Variants in DTNA observed in about 807,000 individuals in gnomAD.
DTNA encodes the protein dystrobrevin alpha.
A neutral mutation model predicts 100.7 loss-of-function variants in DTNA; 43 were observed. The ratio of observed to expected loss-of-function variants is 0.43; its 90% CI spans 0.33 to 0.55. The LOEUF is 0.55. DTNA is among the 20% of genes least tolerant of loss of function. DTNA has a pLI of 0.04. For missense variants in DTNA, 798 were observed against 953.9 expected, an observed-to-expected ratio of 0.84 and a Z score of 2.15; for synonymous variants, 349 against 347.9, an observed-to-expected ratio of 1.00 and a Z score of -0.04.
chr18:34,873,377 C>T (rs1568868256), intron 17 of DTNA, among the ~76,000 whole-genome samples: 1 of 152,204 alleles, frequency 6.6e-6, no homozygotes, highest in African/African-American at 2.4e-5. Context: ...AGGACAGAGA[C>T]AAGAGGCTCA....
intron 1 of DTNA, among the ~76,000 whole-genome samples, chr18:34,654,378 A>G (rs1466103733): frequency 9.2e-5 from 14 of 152,198 alleles, no homozygotes; most frequent in Admixed American, 9.2e-4. Context: ...TACATTCATT[A>G]TCTAAATCAA....
intron 1 of DTNA, among the ~76,000 whole-genome samples, chr18:34,650,886 C>G (rs1438020200): frequency 6.6e-6 from 1 of 151,842 alleles, no homozygotes; most frequent in East Asian, 1.9e-4. Context: ...TATTATAGTT[C>G]TACTACCCTG....
intron 5 of DTNA, among the ~76,000 whole-genome samples, chr18:34,810,345 T>C (rs910298197): frequency 1.3e-5 from 2 of 152,030 alleles, no homozygotes; most frequent in African/African-American, 4.8e-5. Flanking sequence ...CTCAGTACAA[T>C]TCAGCCATAA....
intron 1 of DTNA, among the ~76,000 whole-genome samples, chr18:34,632,960 CAGCTAACAAAACT>C (rs1453756409): frequency 2.0e-5 from 3 of 151,904 alleles, no homozygotes; most frequent in Non-Finnish European, 4.4e-5. Flanking sequence ...CCCTATTTTA[CAGCTAACAAAACT>C]GAGACATAGA....
At chr18:34,802,471 C>A (rs2095248642) in intron 4 of DTNA, among the ~76,000 whole-genome samples, 1 of 152,220 alleles carries the variant, frequency 6.6e-6, no homozygotes, top group Non-Finnish European at 1.5e-5. Flanking sequence ...CAACTAATGA[C>A]AATTCCTGAT....
At chr18:34,874,900 C>T (rs998411037) in intron 17 of DTNA, among the ~76,000 whole-genome samples, 1 of 152,170 alleles carries the variant, frequency 6.6e-6, no homozygotes, top group African/African-American at 2.4e-5. Flanking sequence ...CTTCTTAGTC[C>T]TCGGAGACCT....
At chr18:34,643,880 A>T (rs1443668803) in intron 1 of DTNA, among the ~76,000 whole-genome samples, 1 of 152,160 alleles carries the variant, frequency 6.6e-6, no homozygotes, top group Non-Finnish European at 1.5e-5. Flanking sequence ...ATCATCTTTT[A>T]TACCTATAAA....
chr18:34,649,784 C>A (rs1439346263), intron 1 of DTNA, among the ~76,000 whole-genome samples: 1 of 152,004 alleles, frequency 6.6e-6, no homozygotes, highest in Non-Finnish European at 1.5e-5. Context: ...TTTCAAAGAT[C>A]TTTTAAAATT....
intron 1 of DTNA, among the ~76,000 whole-genome samples, chr18:34,748,382 A>G (rs746493330): frequency 1.1e-4 from 17 of 152,082 alleles, no homozygotes; most frequent in Admixed American, 1.1e-3. Flanking sequence ...TTATTTGCCT[A>G]GGTTAAAGTC....
At chr18:34,683,949 A>G (rs1202451179) in intron 1 of DTNA, among the ~76,000 whole-genome samples, 4 of 152,162 alleles carry the variant, frequency 2.6e-5, no homozygotes, top group Non-Finnish European at 4.4e-5. Flanking sequence ...CAATGGTACA[A>G]ACATTCAGCA....
At chr18:34,640,112 A>G in intron 1 of DTNA, among the ~76,000 whole-genome samples, 1 of 152,232 alleles carries the variant, frequency 6.6e-6, no homozygotes, top group East Asian at 1.9e-4. Flanking sequence ...GCCAGAAATG[A>G]CTGTTAATCT....
At chr18:34,546,275 G>C (rs924168768) in intron 1 of DTNA, among the ~76,000 whole-genome samples, 7 of 151,956 alleles carry the variant, frequency 4.6e-5, no homozygotes, top group Admixed American at 1.3e-4. Flanking sequence ...CTAACCAAAG[G>C]CATACATGTC....
chr18:34,772,219 C>T (rs2093811584), intron 3 of DTNA, among the ~76,000 whole-genome samples: 1 of 152,054 alleles, frequency 6.6e-6, no homozygotes, highest in African/African-American at 2.4e-5. Context: ...GTTTAAAAGG[C>T]AAAGAGGAGA....
At position 34,672,306 on chromosome 18, in the gene DTNA, A is replaced by C. The variant is rs182707826; in HGVS notation, c.-1-83670A>C. ...AAGAAAACCTGAGATACTTAGGTTT[A>C]GTGATTATTTGTGTAGGTAAATACA... is the stretch of plus-strand genomic sequence containing the variant. On this transcript the variant is annotated intron_variant, in intron 1 of 19. Coordinates refer to the DTNA transcript ENST00000283365. Among the ~76,000 whole-genome samples, 12 of 152,294 alleles carry C rather than the reference A, an allele frequency of 7.9e-5. No individual in the cohort carries two copies. In the East Asian group the frequency reaches 1.9e-3, roughly 25 times the overall value.
At chr18:34,707,295 A>G (rs1380027894), upstream of DTNA, among the ~76,000 whole-genome samples, 1 of 152,104 alleles carries the variant, frequency 6.6e-6, no homozygotes, top group African/African-American at 2.4e-5. Flanking sequence ...ATCATTACCT[A>G]TGTCTCAAAA....
chr18:34,557,785 G>C (rs1055354149), intron 1 of DTNA, among the ~76,000 whole-genome samples: 5 of 151,920 alleles, frequency 3.3e-5, no homozygotes, highest in African/African-American at 7.2e-5. Context: ...TGTCAGACAG[G>C]GACATTTAAG....
intron 13 of DTNA, among the ~76,000 whole-genome samples, chr18:34,841,210 A>G (rs2096261962): frequency 6.6e-6 from 1 of 152,142 alleles, no homozygotes; most frequent in Non-Finnish European, 1.5e-5. Context: ...GATTTTAACC[A>G]TTATCCATCC....
chr18:34,595,627 T>A (rs1442119846), intron 1 of DTNA, among the ~76,000 whole-genome samples: 18 of 152,234 alleles, frequency 1.2e-4, no homozygotes, highest in Admixed American at 1.2e-3. Flanking sequence ...TGGATTTGTT[T>A]CTATTATTAC....
intron 1 of DTNA, among the ~76,000 whole-genome samples, chr18:34,649,149 C>CCT (rs1387215777): frequency 1.3e-5 from 2 of 152,146 alleles, no homozygotes; most frequent in Admixed American, 1.3e-4. Flanking sequence ...ATTCTGCTCT[C>CCT]CTCTCTCTCC....
Sources: allele counts gnomAD v4.1 joint callset (sites outside exome capture counted in the v4.1 genomes callset), GRCh38; gene constraint gnomAD v4.1.1; transcripts MANE v1.5; gene names NCBI Gene and HGNC (gene_info 2026-07-23, HGNC 2026-07-21).